STAT4: variants seen among roughly 807,000 people sequenced by gnomAD.
The protein encoded by STAT4 is signal transducer and activator of transcription 4.
Under a neutral mutation model 110.5 loss-of-function variants are expected in STAT4, and 42 were observed. That is an observed-to-expected ratio of 0.38 (90% CI 0.30 to 0.49). The LOEUF is 0.49. Ranked by LOEUF, STAT4 falls within the 20% of genes least tolerant of loss-of-function variation. STAT4 has a pLI of 0.95. For synonymous variants in STAT4, 284 were observed against 302.2 expected, an observed-to-expected ratio of 0.94 and a Z score of 0.63; for missense variants, 632 against 887.9, an observed-to-expected ratio of 0.71 and a Z score of 3.66.
At chr2:191,114,778 T>A (rs547404456) in intron 3 of STAT4, among the ~76,000 whole-genome samples, 1 of 152,158 alleles carries the variant, frequency 6.6e-6, no homozygotes, top group South Asian at 2.1e-4. Flanking sequence ...GCCTTTGGAG[T>A]GGAGAGACAG....
Position 191,146,657 on chromosome 2 carries a change from G to T in STAT4, c.229C>A (p.Leu77Ile). The change falls in exon 3 of 24, where the codon CTA becomes ATA. Residue 77 changes from leucine to isoleucine, a missense_variant. Physicochemically the swap from Leu to Ile is conservative, Grantham distance 5 (BLOSUM62 2). Around this residue, in one of 4 missense-constraint regions of STAT4, gnomAD observed 488 missense variants for 632.8 expected, o/e 0.77. Transcript: ENST00000392320. This position sits in a 1 kb window ranked among gnomAD's most constrained non-coding sequence, Gnocchi z 4.5. ...CTTTTTAGATTGTGTATCAAGAGTA[G>T]GTTTTTCTCTTTGGAAACACGACCT... is the stretch of plus-strand genomic sequence containing the variant. ...QLGRVSKEKN[L>I]LLIHNLKRIR... is the part of the protein sequence containing the mutation. 1 of 1,590,194 alleles carries T rather than the reference G, an allele frequency of 6.3e-7. No homozygotes were observed.
intron 3 of STAT4, among the ~76,000 whole-genome samples, chr2:191,092,528 GA>G (rs1697828308): frequency 6.7e-6 from 1 of 149,500 alleles, no homozygotes; most frequent in Non-Finnish European, 1.5e-5. Context: ...AAAAAAAAAA[GA>G]ATTCTAAGTA....
chr2:191,126,732 G>A (rs1385657017), intron 3 of STAT4, among the ~76,000 whole-genome samples: 3 of 152,166 alleles, frequency 2.0e-5, no homozygotes, highest in African/African-American at 4.8e-5. Flanking sequence ...GATTGGGTGG[G>A]TTTCTTCTGT....
rs369539864 is a variant in STAT4, at chr2:191,033,190, C to A, written c.1853-41G>T. On this transcript the variant is annotated intron_variant, in intron 20 of 23. Transcript: ENST00000392320. This position sits in a 1 kb window ranked among gnomAD's most constrained non-coding sequence, Gnocchi z 6.9. ...TTGGAGAAATATACAGGTTCCTGTA[C>A]ACATTCCTTGTGACCATTTCTTCCC... The A allele has an allele frequency of 6.3e-7, 1 of 1,581,450 alleles. No homozygotes were observed. The highest frequency in any genetic ancestry group is 1.4e-5 in the African/African-American group (1 of 73,822).
Position 191,058,281 on chromosome 2 carries a change from T to C in STAT4, c.1095-62A>G. The C allele has an allele frequency of 7.0e-7, 1 of 1,433,318 alleles. No individual in the cohort carries two copies. The highest frequency in any genetic ancestry group is 1.2e-5 in the South Asian group (1 of 80,912). 88.8% of individuals were successfully genotyped at this position (1,433,318 alleles called of 1,614,324 possible). A position where few individuals can be genotyped will look rare whatever the true frequency, so the allele number is the denominator to read the frequency against. ...TAATAGATCTAGGAATAACTTTCTA[T>C]GATAGTTTATTTTATTTATTTATTT... On this transcript the variant is annotated intron_variant, in intron 11 of 23. Transcript: ENST00000392320. The surrounding 1 kb of genome is among the most constrained non-coding windows in gnomAD (Gnocchi z 4.3).
At chr2:191,131,979 A>G in intron 3 of STAT4, 1 of 1,255,398 alleles carries the variant, frequency 8.0e-7, no homozygotes, top group African/African-American at 1.6e-5. Flanking sequence ...ATTCCTGAAG[A>G]GAAGACAGCA....
intron 3 of STAT4, among the ~76,000 whole-genome samples, chr2:191,079,180 A>G (rs534661460): frequency 4.1e-4 from 60 of 145,128 alleles, no homozygotes; most frequent in African/African-American, 1.4e-3. Context: ...CTTGATGTCA[A>G]GTAGAATAGG....
intron 3 of STAT4, among the ~76,000 whole-genome samples, chr2:191,132,208 T>G (rs1276246224): frequency 6.6e-6 from 1 of 151,788 alleles, no homozygotes; most frequent in Non-Finnish European, 1.5e-5. Context: ...CATACTGTCT[T>G]GGTTGTAAAA....
chr2:191,075,996 T>C, intron 4 of STAT4: 2 of 457,698 alleles, frequency 4.4e-6, no homozygotes, highest in Non-Finnish European at 8.0e-6. Context: ...ACTATAGGCA[T>C]GTGCCACCAT....
chr2:191,074,550 T>C (rs896094376), intron 4 of STAT4, among the ~76,000 whole-genome samples: 1 of 152,140 alleles, frequency 6.6e-6, no homozygotes, highest in African/African-American at 2.4e-5. Context: ...TTGACTGATA[T>C]CTGACATTGG....
At chr2:191,040,997 C>T in intron 15 of STAT4, 68 bp downstream of exon 15, 1 of 1,039,708 alleles carries the variant, frequency 9.6e-7, no homozygotes, top group Non-Finnish European at 1.3e-6. Context: ...ACTGAGCTTA[C>T]ATCTATTAAT....
At chr2:191,118,546 T>C (rs542430209) in intron 3 of STAT4, among the ~76,000 whole-genome samples, 1 of 152,298 alleles carries the variant, frequency 6.6e-6, no homozygotes, top group Non-Finnish European at 1.5e-5. Flanking sequence ...TGTGTTCAGA[T>C]ATAGTTTTTT....
chr2:191,078,725 T>C (rs1697384204), intron 3 of STAT4, among the ~76,000 whole-genome samples: 1 of 152,184 alleles, frequency 6.6e-6, no homozygotes, highest in African/African-American at 2.4e-5. Context: ...TTTTCTGTAG[T>C]GTATCAGTTT....
At chr2:191,100,029 T>C (rs1698112235) in intron 3 of STAT4, among the ~76,000 whole-genome samples, 1 of 152,192 alleles carries the variant, frequency 6.6e-6, no homozygotes, top group African/African-American at 2.4e-5. Context: ...AAAGAAATTA[T>C]AAAGCTATTT....
rs1426673277 is a variant in STAT4 at position 191,064,854 on chromosome 2, G to A, written c.735C>T (p.Ala245=). 6.2e-7 allele frequency: 1 copy of A among 1,613,534 alleles called. No homozygotes were observed. The highest frequency in any genetic ancestry group is 8.5e-7 in the Non-Finnish European group (1 of 1,179,694). Residue 245 remains alanine (A), a synonymous_variant, in exon 8 of 24, where the codon GCC becomes GCT. Coordinates refer to ENST00000392320, the MANE Select transcript of STAT4 (RefSeq NM_003151.4). ...CATTGTGGAGTGGACCCCCGATGCA[G>A]GCGATTTGCTGCCGCCGCTTCCAGT... ...LQDWKRRQQI[A]CIGGPLHNGL...
rs1390873239 is a variant in STAT4 at position 191,083,362 on chromosome 2, A to T, written c.274-7037T>A. On this transcript the variant is annotated intron_variant, in intron 3 of 23. Transcript: ENST00000392320. The surrounding 1 kb of genome is among the most constrained non-coding windows in gnomAD (Gnocchi z 4.6). Reference sequence around the variant, plus strand: ...ACTTTGGGAACTGGAGTATTTTCACATCAGCTCTTGTCATCTATCATTAGC... The same window carrying T: ...ACTTTGGGAACTGGAGTATTTTCACTTCAGCTCTTGTCATCTATCATTAGC... Among the ~76,000 whole-genome samples the T allele has an allele frequency of 6.6e-6, 1 of 152,208 alleles. No homozygotes were observed. Among genetic ancestry groups the T allele is most frequent in the Non-Finnish European group, 1.5e-5 (1 of 68,036 alleles).
rs1422466973 is a variant in STAT4 at position 191,060,107 on chromosome 2, G to A, written c.1035-1338C>T. On this transcript the variant is annotated intron_variant, in intron 10 of 23. Transcript: ENST00000392320. This position sits in a 1 kb window ranked among gnomAD's most constrained non-coding sequence, Gnocchi z 4.5. ...GGATGGGTACCCAATAGGTAGAAGAGGAAGACAGAGCCTTCAACCAGGGGC... is the reference window on the plus strand; with the variant it reads ...GGATGGGTACCCAATAGGTAGAAGAAGAAGACAGAGCCTTCAACCAGGGGC... 6.6e-6 allele frequency among the ~76,000 whole-genome samples: 1 copy of A among 152,154 alleles called. No individual in the cohort carries two copies. The highest frequency in any genetic ancestry group is 1.5e-5 in the Non-Finnish European group (1 of 68,014).
chr2:191,121,778 G>T (rs1698739561), intron 3 of STAT4, among the ~76,000 whole-genome samples: 1 of 144,808 alleles, frequency 6.9e-6, no homozygotes, highest in African/African-American at 2.6e-5. Context: ...TTGTGGGGTG[G>T]GGGGAAGGGG....
chr2:191,139,516 G>C (rs1699266347), intron 3 of STAT4, among the ~76,000 whole-genome samples: 2 of 152,102 alleles, frequency 1.3e-5, no homozygotes, highest in South Asian at 4.2e-4. Context: ...AAAAAAGAAA[G>C]AAAGAAATAC....
Sources: allele counts gnomAD v4.1 joint callset (sites outside exome capture counted in the v4.1 genomes callset), GRCh38; gene constraint gnomAD v4.1.1; regional missense constraint gnomAD v4.1.1; non-coding constraint Gnocchi (gnomAD v3.1); transcripts MANE v1.5; gene names NCBI Gene and HGNC (gene_info 2026-07-23, HGNC 2026-07-21).